Variants in RBFOX3 observed in about 807,000 individuals in gnomAD.
The protein encoded by RBFOX3 is RNA binding fox-1 homolog 3, also known as RNA binding protein fox-1 homolog 3.
Under a neutral mutation model 48.7 loss-of-function variants are expected in RBFOX3, and 17 were observed. The observed-to-expected ratio is 0.35, with a 90% confidence interval of 0.24 to 0.52. RBFOX3 has a LOEUF of 0.52. RBFOX3 is among the 20% of genes least tolerant of loss of function. The pLI is 0.94. For missense variants in RBFOX3, 382 were observed against 497.5 expected (o/e 0.77, Z 2.21); for synonymous variants, 212 against 209.5 (o/e 1.01, Z -0.10).
At chr17:79,581,533 T>C (rs1018627379) in intron 1 of RBFOX3, among the ~76,000 whole-genome samples, 19,299 of 152,268 alleles carry the variant, frequency 0.13, 1,826 homozygotes, top group East Asian at 0.26. Flanking sequence ...CACACGTGAA[T>C]CATGGCAACA....
intron 1 of RBFOX3, among the ~76,000 whole-genome samples, chr17:79,532,864 G>A (rs1568385407): frequency 6.6e-6 from 1 of 152,220 alleles, no homozygotes; most frequent in Non-Finnish European, 1.5e-5. Context: ...CCGCCTGTCA[G>A]GGAAGGGGTG....
Position 79,390,918 on chromosome 17 carries a change from G to A in RBFOX3, c.-174-83094C>T, listed in dbSNP as rs1170986239. Among the ~76,000 whole-genome samples, 1 of 152,138 alleles carries A rather than the reference G, an allele frequency of 6.6e-6. No individual in the cohort carries two copies. The highest frequency in any genetic ancestry group is 1.5e-5 in the Non-Finnish European group (1 of 68,026). On this transcript the variant is annotated intron_variant, in intron 2 of 14. Coordinates refer to ENST00000693108, the MANE Select transcript of RBFOX3 (RefSeq NM_001350451.2). This position sits in a 1 kb window ranked among gnomAD's most constrained non-coding sequence, Gnocchi z 4.2. ...GGTGGGACTGCTCGGGTGCCGGCAG[G>A]GAGTTCCTGGACCCACCCAAAGCCA... is the stretch of plus-strand genomic sequence containing the variant.
the RBFOX3 span, among the ~76,000 whole-genome samples, chr17:79,652,013 C>T: frequency 2.0e-5 from 3 of 151,536 alleles, no homozygotes; most frequent in Non-Finnish European, 4.4e-5. Flanking sequence ...CCCTAGATGC[C>T]CCCAGCCCTG....
intron 11 of RBFOX3, among the ~76,000 whole-genome samples, 188 bp from the exon 12 acceptor site, chr17:79,097,021 G>C (rs567385322): frequency 1.3e-5 from 2 of 152,226 alleles, no homozygotes; most frequent in African/African-American, 4.8e-5. Flanking sequence ...CTCAAGAGTG[G>C]ACAACGGCCC....
chr17:79,147,134 A>G (rs1348619117), intron 4 of RBFOX3, among the ~76,000 whole-genome samples: 2 of 152,148 alleles, frequency 1.3e-5, no homozygotes, highest in Non-Finnish European at 2.9e-5. Flanking sequence ...GGACCCTCCA[A>G]TTCCAAGGCT....
At chr17:79,388,180 C>T (rs149713245) in intron 2 of RBFOX3, among the ~76,000 whole-genome samples, 1 of 152,314 alleles carries the variant, frequency 6.6e-6, no homozygotes, top group Non-Finnish European at 1.5e-5. Context: ...AGCTCTCTGA[C>T]CACACAGACT....
At chr17:79,641,413 G>A in the RBFOX3 span, among the ~76,000 whole-genome samples, 2 of 152,138 alleles carry the variant, frequency 1.3e-5, no homozygotes, top group African/African-American at 4.8e-5. Context: ...ATTAAAAATA[G>A]AACTACCATA....
At chr17:79,573,810 C>T (rs36151668) in intron 1 of RBFOX3, among the ~76,000 whole-genome samples, 94,663 of 151,982 alleles carry the variant, frequency 0.62, 29,880 homozygotes, top group East Asian at 0.74. Context: ...TGAATCTGCC[C>T]GGTGGGGGGA....
intron 10 of RBFOX3, 29 bp downstream of exon 10, chr17:79,097,663 T>TGCCCACCCCCCCCCCC: frequency 7.2e-7 from 1 of 1,384,074 alleles, no homozygotes; most frequent in Non-Finnish European, 9.8e-7. Flanking sequence ...GCTGGTCTCA[T>TGCCCACCCCCCCCCCC]CCCATCCCCG....
intron 4 of RBFOX3, among the ~76,000 whole-genome samples, chr17:79,193,347 C>T (rs571589378): frequency 6.6e-6 from 1 of 152,292 alleles, no homozygotes; most frequent in Non-Finnish European, 1.5e-5. Flanking sequence ...GCAGGATCTT[C>T]CCGGATCAGA....
chr17:79,618,739 C>T, the RBFOX3 span, among the ~76,000 whole-genome samples: 7 of 152,212 alleles, frequency 4.6e-5, no homozygotes, highest in Non-Finnish European at 8.8e-5. Context: ...TTTCTCTGTG[C>T]TTCCCAAGAT....
chr17:79,245,376 G>T (rs568119399), intron 3 of RBFOX3, among the ~76,000 whole-genome samples: 1 of 152,130 alleles, frequency 6.6e-6, no homozygotes, highest in East Asian at 1.9e-4. Context: ...AAGGACCCCA[G>T]GAAAATGGTT....
intron 2 of RBFOX3, among the ~76,000 whole-genome samples, chr17:79,397,134 G>C (rs1228806132): frequency 6.6e-6 from 1 of 152,182 alleles, no homozygotes; most frequent in Non-Finnish European, 1.5e-5. Flanking sequence ...CCGCGGACAG[G>C]CAGGATTTCC....
intron 2 of RBFOX3, among the ~76,000 whole-genome samples, chr17:79,458,479 G>A (rs766895285): frequency 5.3e-5 from 8 of 150,398 alleles, no homozygotes; most frequent in Non-Finnish European, 7.4e-5. Context: ...GTGCGTGTGC[G>A]TGAGATATGT....
chr17:79,096,556 A>G, intron 12 of RBFOX3, 97 bp downstream of exon 12: 1 of 1,088,472 alleles, frequency 9.2e-7, no homozygotes, highest in Non-Finnish European at 1.3e-6. Context: ...ATGGGATGGG[A>G]TGGGAGGAGC....
At chr17:79,445,557 C>A (rs183392191) in intron 2 of RBFOX3, among the ~76,000 whole-genome samples, 193 of 152,302 alleles carry the variant, frequency 1.3e-3, no homozygotes, top group Non-Finnish European at 1.7e-3. Context: ...CCAGGATCAT[C>A]TCTCCCCACA....
chr17:79,565,583 C>T (rs969528180), intron 1 of RBFOX3, among the ~76,000 whole-genome samples: 131 of 152,246 alleles, frequency 8.6e-4, no homozygotes, highest in African/African-American at 3.1e-3. Context: ...GCAATTGATC[C>T]GCCCACCTTG....
At position 79,423,025 on chromosome 17, in the gene RBFOX3, G is replaced by A. The variant is rs2066708246; in HGVS notation, c.-175+59429C>T. 6.6e-6 allele frequency among the ~76,000 whole-genome samples: 1 copy of A among 152,150 alleles called. No homozygotes were observed. Among genetic ancestry groups the A allele is most frequent in the Admixed American group, 6.5e-5 (1 of 15,278 alleles). On this transcript the variant is annotated intron_variant, in intron 2 of 14. Coordinates refer to ENST00000693108, the MANE Select transcript of RBFOX3 (RefSeq NM_001350451.2). The surrounding 1 kb of genome is among the most constrained non-coding windows in gnomAD (Gnocchi z 4.9). ...CCAGAAAGAGTCCTCACAGGCACGG[G>A]ACAGGCCGGCCCCTGCGACGGGACT...
rs1261873281 is a variant in RBFOX3 at position 79,421,990 on chromosome 17, G to A, written c.-175+60464C>T. Among the ~76,000 whole-genome samples the A allele has an allele frequency of 3.9e-5, 6 of 152,148 alleles. No individual in the cohort carries two copies. The highest frequency in any genetic ancestry group is 3.9e-4 in the Admixed American group (6 of 15,292). The stretch of plus-strand genomic sequence containing the variant: ...GTGCTGCCCGGACGAGATGAGGAGG[G>A]GGACTTGCCGGCTGCTGGCTTCCAG... On this transcript the variant is annotated intron_variant, in intron 2 of 14. Coordinates refer to ENST00000693108, the MANE Select transcript of RBFOX3 (RefSeq NM_001350451.2). This position sits in a 1 kb window ranked among gnomAD's most constrained non-coding sequence, Gnocchi z 4.5.
Sources: allele counts gnomAD v4.1 joint callset (sites outside exome capture counted in the v4.1 genomes callset), GRCh38; gene constraint gnomAD v4.1.1; non-coding constraint Gnocchi (gnomAD v3.1); transcripts MANE v1.5; gene names NCBI Gene and HGNC (gene_info 2026-07-23, HGNC 2026-07-21).